The following CDK12 variants were observed in gnomAD, a reference collection of about 807,000 sequenced individuals.
CDK12 encodes the protein cyclin dependent kinase 12.
In CDK12, 17 loss-of-function variants were observed where a neutral mutation model predicts 133.8. The observed-to-expected ratio is 0.13, with a 90% CI of 0.09 to 0.19. The LOEUF is 0.19. Ranked by LOEUF, CDK12 falls within the 10% of genes least tolerant of loss-of-function variation. The pLI is 1.00. For synonymous variants in CDK12, 694 were observed against 683.6 expected, an observed-to-expected ratio of 1.02 and a Z score of -0.24; for missense variants, 1,508 against 1,818.7, an observed-to-expected ratio of 0.83 and a Z score of 3.11.
chr17:39,470,430 T>A (rs1489206390), intron 1 of CDK12, among the ~76,000 whole-genome samples: 1 of 152,210 alleles, frequency 6.6e-6, no homozygotes. Flanking sequence ...CAGTTTAATC[T>A]ATTTTTTAAA....
rs575690479 is a variant in CDK12, at chr17:39,541,240, T to C, written c.451-3009T>C. 3.9e-5 allele frequency among the ~76,000 whole-genome samples: 6 copies of C among 152,154 alleles called. No homozygotes were observed. The South Asian group carries it at 1.2e-3, about 32-fold the overall frequency. ...AGTCTGGGGGGTGGGGAGGTATGCT[T>C]ATCATACTCCTTCCTGCCCCATACC... On this transcript the variant is annotated intron_variant and NMD_transcript_variant, in intron 1 of 4. Coordinates refer to the CDK12 transcript ENST00000559663.
intron 1 of CDK12, among the ~76,000 whole-genome samples, chr17:39,468,791 TTTAA>T (rs982752976): frequency 3.3e-5 from 5 of 151,328 alleles, no homozygotes; most frequent in South Asian, 2.1e-4. Context: ...ATGTTTTTAT[TTTAA>T]TTAATTAATT....
chr17:39,462,786 G>A lies in CDK12; in HGVS notation c.715G>A (p.Gly239Arg). 6.2e-7 allele frequency: 1 copy of A among 1,614,180 alleles called. No individual in the cohort carries two copies. Among genetic ancestry groups the A allele is most frequent in the Non-Finnish European group, 8.5e-7 (1 of 1,180,038 alleles). Reference sequence around the variant, plus strand: ...CTCCAAACAAGATGATAGCCCCTCGGGAGCTTCTTATGGCCAAGATTATGA... The same window carrying A: ...CTCCAAACAAGATGATAGCCCCTCGAGAGCTTCTTATGGCCAAGATTATGA... ...DSSKQDDSPSGASYGQDYDLS... is the reference protein window; with the variant it reads ...DSSKQDDSPSRASYGQDYDLS... The change falls in exon 1 of 14, where the codon GGA (glycine) becomes AGA (arginine). Residue 239 changes from glycine (G) to arginine (R), a missense_variant. Gly to Arg is a moderately radical substitution (Grantham distance 125). Transcript: ENST00000447079.
rs116360414 is a variant in CDK12 at position 39,480,820 on chromosome 17, C to G, written c.1931+9057C>G. ...AATTCAGCTAATGGTATTTCAAAAG[C>G]CTTTCTCATTTGTGGTCTATAATTC... is the stretch of plus-strand genomic sequence containing the variant. On this transcript the variant is annotated intron_variant, in intron 2 of 13. Coordinates refer to ENST00000447079, the MANE Select transcript of CDK12 (RefSeq NM_016507.4). Among the ~76,000 whole-genome samples, 1,420 of 152,256 alleles carry G rather than the reference C, an allele frequency of 9.3e-3. 19 individuals are homozygous for G. The highest frequency in any genetic ancestry group is 0.032 in the African/African-American group (1,333 of 41,550).
At chr17:39,540,411 G>A (rs2055353201) in intron 1 of CDK12, among the ~76,000 whole-genome samples, 1 of 152,214 alleles carries the variant, frequency 6.6e-6, no homozygotes, top group African/African-American at 2.4e-5. Flanking sequence ...TGCACCATGT[G>A]TCCAGATGAT....
chr17:39,543,123 GAT>G (rs932227231), upstream of CDK12, among the ~76,000 whole-genome samples: 3 of 152,196 alleles, frequency 2.0e-5, no homozygotes, highest in Admixed American at 1.3e-4. Flanking sequence ...GTCCCTGAAT[GAT>G]AGATGAGATG....
intron 2 of CDK12, among the ~76,000 whole-genome samples, chr17:39,479,152 C>A (rs1297983122): frequency 6.6e-6 from 1 of 151,674 alleles, no homozygotes; most frequent in Non-Finnish European, 1.5e-5. Flanking sequence ...ACTAAAAATA[C>A]AAAAAATTAG....
intron 2 of CDK12, among the ~76,000 whole-genome samples, chr17:39,482,044 C>CTTTTT: frequency 5.6e-5 from 2 of 35,970 alleles, no homozygotes; most frequent in African/African-American, 4.9e-5. Context: ...CAGAGTTTCG[C>CTTTTT]TTTTTTTAGC....
In CDK12 at chr17:39,462,297, A is replaced by G. The variant is rs1331274506; in HGVS notation, c.226A>G (p.Ile76Val). ...CAAACCTTTGGTGGAGTATGATGAT[A>G]TCAGCTCTGATTCCGACACCTTCTC... ...VIKPLVEYDD[I>V]SSDSDTFSDD... Residue 76 changes from isoleucine to valine, a missense_variant, in exon 1 of 14, where the codon ATC becomes GTC. By Grantham distance (29) the Ile-to-Val change is conservative. This residue lies in a region of CDK12 where 460 missense variants were observed against 490.8 expected (regional missense o/e 0.94). Coordinates refer to ENST00000447079, the MANE Select transcript of CDK12 (RefSeq NM_016507.4). 1.2e-6 allele frequency: 2 copies of G among 1,614,098 alleles called. No individual in the cohort carries two copies. The highest frequency in any genetic ancestry group is 1.7e-6 in the Non-Finnish European group (2 of 1,180,048).
chr17:39,492,442 C>G (rs2051706672), intron 3 of CDK12, among the ~76,000 whole-genome samples: 1 of 142,016 alleles, frequency 7.0e-6, no homozygotes, highest in Non-Finnish European at 1.5e-5. Flanking sequence ...GTGTCTTGCT[C>G]TGTCGCCCAG....
intron 8 of CDK12, 111 bp from the exon 9 acceptor site, chr17:39,515,620 G>T: frequency 1.6e-6 from 1 of 633,066 alleles, no homozygotes. Flanking sequence ...GAAATTTGGG[G>T]CTATTTATCT....
rs2049776105 is a variant in CDK12 at position 39,471,340 on chromosome 17, C to A, written c.1508C>A (p.Ser503Tyr). Reference protein sequence around the residue: ...KDLKAQGTRDSKPIALKEEIV... With the variant: ...KDLKAQGTRDYKPIALKEEIV... ...TTGAAAGCACAGGGAACAAGAGACT[C>A]TAAACCCATAGCACTGAAAGAGGAG... The change falls in exon 2 of 14, where the codon TCT becomes TAT. Residue 503 changes from serine to tyrosine, a missense_variant. By Grantham distance (144) the Ser-to-Tyr change is moderately radical. Around this residue, in one of 9 missense-constraint regions of CDK12, gnomAD observed 347 missense variants for 330.8 expected, o/e 1.05. Transcript: ENST00000447079. 6.2e-7 allele frequency: 1 copy of A among 1,614,036 alleles called. No individual in the cohort carries two copies. Among genetic ancestry groups the A allele is most frequent in the Non-Finnish European group, 8.5e-7 (1 of 1,179,978 alleles).
In CDK12 at chr17:39,471,211, C is replaced by G. The variant is rs2049765546; in HGVS notation, c.1379C>G (p.Thr460Ser). ...AAATTGGAAAAATCTGCCCCAGATACTGAACTGGTGAATGTAACACATCTA... is the reference window on the plus strand; with the variant it reads ...AAATTGGAAAAATCTGCCCCAGATAGTGAACTGGTGAATGTAACACATCTA... ...SVKLEKSAPD[T>S]ELVNVTHLNT... is the part of the protein sequence containing the mutation. Residue 460 changes from threonine (T) to serine (S), a missense_variant, in exon 2 of 14, where the codon ACT (threonine) becomes AGT (serine). Transcript: ENST00000447079. 6.3e-7 allele frequency: 1 copy of G among 1,590,548 alleles called. No individual in the cohort carries two copies. The highest frequency in any genetic ancestry group is 8.5e-7 in the Non-Finnish European group (1 of 1,171,628).
intron 6 of CDK12, among the ~76,000 whole-genome samples, chr17:39,504,840 A>G (rs989506496): frequency 9.0e-5 from 12 of 132,790 alleles, no homozygotes; most frequent in African/African-American, 3.3e-4. Flanking sequence ...GATTGCCACC[A>G]CTGCACTCCA....
chr17:39,487,987 G>T (rs765762528), intron 2 of CDK12, among the ~76,000 whole-genome samples: 1 of 152,038 alleles, frequency 6.6e-6, no homozygotes, highest in African/African-American at 2.4e-5. Flanking sequence ...GCCATACGTG[G>T]TAGGAGGCGA....
intron 2 of CDK12, among the ~76,000 whole-genome samples, chr17:39,553,684 A>G (rs1204615614): frequency 1.3e-5 from 2 of 152,150 alleles, no homozygotes; most frequent in Non-Finnish European, 2.9e-5. Flanking sequence ...GGGCTTGAAG[A>G]TAGGAAGATG....
At position 39,531,222 on chromosome 17, in the gene CDK12, G is replaced by T. The variant is rs1255189733; in HGVS notation, c.4379G>T (p.Gly1460Val). ...ASSSGAGLHW[G>V]GPTQSSAYGK... ...AGCTCAGGAGCAGGCCTTCACTGGG[G>T]GGGCCCAACTCAGTCTTCTGCTTAT... Residue 1460 changes from glycine (G) to valine (V), a missense_variant, in exon 14 of 14, where the codon GGG becomes GTG. By Grantham distance (109) the Gly-to-Val change is moderately radical (BLOSUM62 -3). Around this residue, in one of 9 missense-constraint regions of CDK12, gnomAD observed 114 missense variants for 101.2 expected, o/e 1.13. Transcript: ENST00000447079. 8.6e-6 allele frequency: 13 copies of T among 1,516,602 alleles called. No homozygotes were observed. Among genetic ancestry groups the T allele is most frequent in the Non-Finnish European group, 1.1e-5 (13 of 1,134,542 alleles). 93.9% of individuals were successfully genotyped at this position (1,516,602 alleles called of 1,614,324 possible).
downstream of CDK12, among the ~76,000 whole-genome samples, chr17:39,538,612 C>T (rs187025031): frequency 1.3e-5 from 2 of 152,202 alleles, no homozygotes; most frequent in Non-Finnish European, 2.9e-5. Context: ...TGGCAAACCC[C>T]GGCTACCTGG....
chr17:39,476,028 A>G (rs1317593060), intron 2 of CDK12, among the ~76,000 whole-genome samples: 2 of 152,048 alleles, frequency 1.3e-5, no homozygotes, highest in African/African-American at 4.8e-5. Flanking sequence ...ACTTGTTTAC[A>G]TAGTGGCTAG....
Sources: allele counts gnomAD v4.1 joint callset (sites outside exome capture counted in the v4.1 genomes callset), GRCh38; gene constraint gnomAD v4.1.1; regional missense constraint gnomAD v4.1.1; transcripts MANE v1.5; gene names NCBI Gene and HGNC (gene_info 2026-07-23, HGNC 2026-07-21).